The following FAM120A variants were observed in gnomAD, a reference collection of about 807,000 sequenced individuals.
The protein encoded by FAM120A is family with sequence similarity 120 member A, also known as constitutive coactivator of PPAR-gamma-like protein 1.
A neutral mutation model predicts 109.7 loss-of-function variants in FAM120A; 15 were observed. The observed-to-expected ratio is 0.14, with a 90% CI of 0.09 to 0.21. The LOEUF is 0.21. Ranked by LOEUF, FAM120A falls within the 10% of genes least tolerant of loss-of-function variation. The probability of loss-of-function intolerance (pLI) is 1.00; values close to 1 mark genes in which losing one functional copy is unlikely to be tolerated. For synonymous variants in FAM120A, 493 were observed against 572.8 expected, an observed-to-expected ratio of 0.86 and a Z score of 1.99; for missense variants, 899 against 1,439.3, an observed-to-expected ratio of 0.62 and a Z score of 6.07.
chr9:93,496,442 G>T (rs1010563969), intron 3 of FAM120A, among the ~76,000 whole-genome samples: 2 of 152,184 alleles, frequency 1.3e-5, no homozygotes, highest in African/African-American at 2.4e-5. Flanking sequence ...ATTATGGGTT[G>T]TGGAATGAAT....
chr9:93,481,237 A>T (rs1325052572), intron 3 of FAM120A, among the ~76,000 whole-genome samples: 1 of 152,154 alleles, frequency 6.6e-6, no homozygotes, highest in Non-Finnish European at 1.5e-5. Flanking sequence ...TCAAAATGTG[A>T]CTTTTGGGGT....
chr9:93,469,083 T>C (rs1349165767), intron 1 of FAM120A, among the ~76,000 whole-genome samples: 1 of 152,196 alleles, frequency 6.6e-6, no homozygotes, highest in Non-Finnish European at 1.5e-5. Context: ...TCCTTGGAGG[T>C]CCTGCCCAGG....
At chr9:93,468,700 C>T (rs1858167771) in intron 1 of FAM120A, among the ~76,000 whole-genome samples, 3 of 152,198 alleles carry the variant, frequency 2.0e-5, no homozygotes, top group Admixed American at 1.3e-4. Flanking sequence ...CACAGTACAG[C>T]GTAGTGGCTG....
chr9:93,554,118 GATACACACACACACACACAC>G (rs1862199056), intron 12 of FAM120A, among the ~76,000 whole-genome samples: 1 of 30,426 alleles, frequency 3.3e-5, no homozygotes, highest in African/African-American at 1.0e-4. Context: ...AAGGCCATTT[GATACACACACACACACACAC>G]ACACACACAC....
At chr9:93,516,613 C>G (rs1434684043) in intron 7 of FAM120A, among the ~76,000 whole-genome samples, 1 of 152,020 alleles carries the variant, frequency 6.6e-6, no homozygotes, top group Non-Finnish European at 1.5e-5. Context: ...GTCACAGCAA[C>G]CCCCTGCCGA....
At chr9:93,460,556 C>T (rs537752749) in intron 1 of FAM120A, among the ~76,000 whole-genome samples, 7 of 152,200 alleles carry the variant, frequency 4.6e-5, no homozygotes, top group South Asian at 2.1e-4. Flanking sequence ...AGGCTGGTCT[C>T]GGACTCCTGA....
chr9:93,457,486 C>G (rs897198671), intron 1 of FAM120A, among the ~76,000 whole-genome samples: 2 of 152,092 alleles, frequency 1.3e-5, no homozygotes, highest in Non-Finnish European at 2.9e-5. Context: ...ACTTAGAGCT[C>G]TAAGTCTTTT....
Position 93,487,645 on chromosome 9 carries a change from A to G in FAM120A, c.805-9826A>G, listed in dbSNP as rs538556067. The stretch of plus-strand genomic sequence containing the variant: ...AAAACTCTAGAAAAGGCAAAACAAT[A>G]GTGATAGAAAGTAGACTTGTGGTTG... On this transcript the variant is annotated intron_variant, in intron 3 of 17. Transcript: ENST00000277165. 1.1e-4 allele frequency among the ~76,000 whole-genome samples: 17 copies of G among 152,332 alleles called. No homozygotes were observed. The South Asian group carries it at 1.7e-3, about 15-fold the overall frequency.
chr9:93,452,640 G>A lies in FAM120A; in HGVS notation c.474+251G>A. The stretch of plus-strand genomic sequence containing the variant: ...GGCCGCGTGGGGACACTTGAGGGCT[G>A]GGAGAGAGCCCCGGACCAGAATTCG... On this transcript the variant is annotated intron_variant, in intron 1 of 17. Transcript: ENST00000277165. The surrounding 1 kb of genome is among the most constrained non-coding windows in gnomAD (Gnocchi z 7.0). The A allele has an allele frequency of 6.3e-7, 1 of 1,599,212 alleles. No homozygotes were observed. The highest frequency in any genetic ancestry group is 8.5e-7 in the Non-Finnish European group (1 of 1,179,908).
chr9:93,477,833 A>G (rs958078097), intron 3 of FAM120A, among the ~76,000 whole-genome samples: 1 of 152,260 alleles, frequency 6.6e-6, no homozygotes, highest in Non-Finnish European at 1.5e-5. Flanking sequence ...AGCTCAATCT[A>G]TTGCCAAGTG....
chr9:93,502,869 C>T (rs1457645653), intron 5 of FAM120A, among the ~76,000 whole-genome samples: 1 of 152,122 alleles, frequency 6.6e-6, no homozygotes, highest in Non-Finnish European at 1.5e-5. Context: ...CTAGTTAAAC[C>T]AGTTGCTTCA....
chr9:93,452,517 G>A lies in FAM120A; in HGVS notation c.474+128G>A, dbSNP rs372504822. On this transcript the variant is annotated intron_variant, in intron 1 of 17. Coordinates refer to ENST00000277165, the MANE Select transcript of FAM120A (RefSeq NM_014612.5). The surrounding 1 kb of genome is among the most constrained non-coding windows in gnomAD (Gnocchi z 7.0). ...CAGCGAGTTCCCCCAGCCCTTGCCC[G>A]GGATAGCCTGGCCGGGCCGGGCTGC... 35 of 1,552,644 alleles carry A rather than the reference G, an allele frequency of 2.3e-5. 3 individuals are homozygous for A. The highest frequency in any genetic ancestry group is 1.5e-4 in the African/African-American group (11 of 73,756).
chr9:93,527,032 ATGT>A, intron 7 of FAM120A, 120 bp from the exon 8 acceptor site: 3 of 707,654 alleles, frequency 4.2e-6, no homozygotes, highest in Non-Finnish European at 7.3e-6. Context: ...TTATTTCTCG[ATGT>A]TGTGTTTATT....
chr9:93,499,811 G>A (rs1261216927), intron 5 of FAM120A, among the ~76,000 whole-genome samples: 2 of 152,198 alleles, frequency 1.3e-5, no homozygotes. Flanking sequence ...GACTCTTACT[G>A]GAAGGAGACT....
chr9:93,543,485 A>G lies in FAM120A; in HGVS notation c.2159+14A>G. 6.2e-7 allele frequency: 1 copy of G among 1,609,644 alleles called. No homozygotes were observed. The highest frequency in any genetic ancestry group is 1.3e-5 in the African/African-American group (1 of 74,946). On this transcript the variant is annotated intron_variant, in intron 11 of 17. Coordinates refer to ENST00000277165, the MANE Select transcript of FAM120A (RefSeq NM_014612.5). ...CTGCGTCTTACGGTGGGTGCCATGC[A>G]TGGGAGCTGGGACCTGGGTCCCCGC...
At chr9:93,519,287 G>T (rs1002058143) in intron 7 of FAM120A, among the ~76,000 whole-genome samples, 1 of 152,158 alleles carries the variant, frequency 6.6e-6, no homozygotes, top group African/African-American at 2.4e-5. Flanking sequence ...TGTTGGCCAG[G>T]CTGGAGTGCA....
chr9:93,485,043 A>G (rs1449790117), intron 3 of FAM120A, among the ~76,000 whole-genome samples: 5 of 152,186 alleles, frequency 3.3e-5, no homozygotes, highest in South Asian at 2.1e-4. Flanking sequence ...TCTGCTTAGC[A>G]TATTCACCTT....
rs1352594926 is a variant in FAM120A at position 93,565,128 on chromosome 9, G to A, written c.*588G>A. On this transcript the variant is annotated 3_prime_UTR_variant, in exon 18 of 18. Transcript: ENST00000277165. Reference sequence around the variant, plus strand: ...TAAAAAATTATAGAGTAATATTGCCGTTCTGCTGATTTTAAATATACAATA... The same window carrying A: ...TAAAAAATTATAGAGTAATATTGCCATTCTGCTGATTTTAAATATACAATA... 2.0e-5 allele frequency: 3 copies of A among 152,116 alleles called. No homozygotes were observed. Among genetic ancestry groups the A allele is most frequent in the African/African-American group, 7.3e-5 (3 of 41,302 alleles). The allele number at this position is 152,116 out of a possible 1,614,324, so 9.4% of individuals were successfully genotyped here. A position where few individuals can be genotyped will look rare whatever the true frequency, so the allele number is the denominator to read the frequency against.
intron 1 of FAM120A, among the ~76,000 whole-genome samples, chr9:93,460,482 C>G (rs1857742798): frequency 6.6e-6 from 1 of 152,144 alleles, no homozygotes; most frequent in Non-Finnish European, 1.5e-5. Context: ...GCTGGGATTA[C>G]AGGCACGCCA....
Sources: gnomAD v4.1 joint callset for allele counts (sites outside exome capture counted in the v4.1 genomes callset) on GRCh38, gnomAD v4.1.1 for gene constraint, Gnocchi (gnomAD v3.1) non-coding constraint, MANE v1.5 for transcripts, NCBI Gene and HGNC (gene_info 2026-07-23, HGNC 2026-07-21) for gene names.